LRRC56: variants seen among roughly 807,000 people sequenced by gnomAD.
The protein encoded by LRRC56 is leucine rich repeat containing 56, also known as leucine-rich repeat-containing protein 56.
Under a neutral mutation model 47.8 loss-of-function variants are expected in LRRC56, and 41 were observed. The ratio of observed to expected loss-of-function variants is 0.86; its 90% CI spans 0.67 to 1.11. LRRC56 has a LOEUF of 1.11. Among genes scored for constraint, LRRC56 ranks in the 50% most tolerant of loss-of-function variants. The pLI, the probability that LRRC56 is intolerant of heterozygous loss-of-function variation, is 0.00. For missense variants in LRRC56, 759 were observed against 704.2 expected, an observed-to-expected ratio of 1.08 and a Z score of -0.88; for synonymous variants, 387 against 311.2, an observed-to-expected ratio of 1.24 and a Z score of -2.56.
the LRRC56 span, among the ~76,000 whole-genome samples, chr11:523,879 GA>G: frequency 6.6e-6 from 1 of 152,194 alleles, no homozygotes; most frequent in East Asian, 1.9e-4. Context: ...AGTGAGCCGA[GA>G]TTGTGCCACT....
chr11:544,680 T>C, intron 5 of LRRC56, 40 bp from the exon 6 acceptor site: 1 of 1,604,962 alleles, frequency 6.2e-7, no homozygotes. Context: ...GTGGGCGGGG[T>C]GAGGGGCCGG....
In LRRC56 at chr11:540,829, C is replaced by T; in HGVS notation, c.145C>T (p.Leu49=). ...TCAGAGGGACAGACTTGGAGAGCAG[C>T]TGGTGGAAGAGTACCTGTCCCCTGC... The part of the protein sequence containing the change: ...GSQRDRLGEQ[L]VEEYLSPARL... Residue 49 remains leucine, a synonymous_variant, in exon 4 of 14, where the codon CTG becomes TTG. Transcript: ENST00000270115. The T allele has an allele frequency of 1.3e-6, 2 of 1,586,462 alleles. No individual in the cohort carries two copies. Among genetic ancestry groups the T allele is most frequent in the Non-Finnish European group, 1.7e-6 (2 of 1,167,054 alleles).
Position 554,909 on chromosome 11 carries a change from C to T in LRRC56, c.*633C>T, listed in dbSNP as rs1053439475. 14 of 1,109,820 alleles carry T rather than the reference C, an allele frequency of 1.3e-5. No homozygotes were observed. In the African/African-American group the frequency reaches 1.5e-4, roughly 12 times the overall value. The allele number at this position is 1,109,820 out of a possible 1,614,324, so 68.7% of individuals were successfully genotyped here. ...CACGTTGGTTCAATAAATGATGCAG[C>T]GGACACAGCCCGCCCAGCCCCGGCG... is the stretch of plus-strand genomic sequence containing the variant. On this transcript the variant is annotated 3_prime_UTR_variant, in exon 14 of 14. Transcript: ENST00000270115.
At chr11:517,271 C>G in the LRRC56 span, among the ~76,000 whole-genome samples, 2 of 151,866 alleles carry the variant, frequency 1.3e-5, no homozygotes, top group African/African-American at 4.8e-5. Flanking sequence ...GGCCGCCACC[C>G]CGTCTGGGAG....
At position 540,856 on chromosome 11, in the gene LRRC56, C is replaced by G. The variant is rs755213437; in HGVS notation, c.172C>G (p.Arg58Gly). ...GGTGGAAGAGTACCTGTCCCCTGCCCGGCTGGTGAGTGTGGGCGCTGGGGG... is the reference window on the plus strand; with the variant it reads ...GGTGGAAGAGTACCTGTCCCCTGCCGGGCTGGTGAGTGTGGGCGCTGGGGG... ...QLVEEYLSPA[R>G]LQALARVDDL... Residue 58 changes from arginine (R) to glycine (G), a missense_variant, in exon 4 of 14, where the codon CGG becomes GGG. Arg to Gly is a moderately radical substitution (Grantham distance 125). Coordinates refer to ENST00000270115, the MANE Select transcript of LRRC56 (RefSeq NM_198075.4). 2 of 1,556,306 alleles carry G rather than the reference C, an allele frequency of 1.3e-6. No homozygotes were observed. Among genetic ancestry groups the G allele is most frequent in the Non-Finnish European group, 1.7e-6 (2 of 1,149,892 alleles).
chr11:529,909 G>A, the LRRC56 span: 1 of 152,196 alleles, frequency 6.6e-6, no homozygotes, highest in African/African-American at 2.4e-5. Flanking sequence ...GCCTAGCTGG[G>A]CTGTCCCCGA....
At chr11:550,641 C>T (rs995999647) in intron 8 of LRRC56, among the ~76,000 whole-genome samples, 3 of 152,216 alleles carry the variant, frequency 2.0e-5, no homozygotes, top group Non-Finnish European at 2.9e-5. Flanking sequence ...GCCCCACAGA[C>T]CACCCTATGC....
chr11:508,136 A>T, the LRRC56 span, among the ~76,000 whole-genome samples: 1 of 152,216 alleles, frequency 6.6e-6, no homozygotes, highest in Non-Finnish European at 1.5e-5. Flanking sequence ...GTTCTTTAGC[A>T]ATTTGCTAAA....
At chr11:544,191 G>C (rs979163603) in intron 5 of LRRC56, among the ~76,000 whole-genome samples, 1 of 152,202 alleles carries the variant, frequency 6.6e-6, no homozygotes, top group Non-Finnish European at 1.5e-5. Context: ...CAGTGATCTG[G>C]TCCTGTGTTG....
At position 551,963 on chromosome 11, in the gene LRRC56, G is replaced by A; in HGVS notation, c.1034G>A (p.Cys345Tyr). The change falls in exon 11 of 14, where the codon TGC (cysteine) becomes TAC (tyrosine). Residue 345 changes from cysteine to tyrosine, a missense_variant. Cys to Tyr is a radical substitution (Grantham distance 194, BLOSUM62 -2). Transcript: ENST00000270115. ...TKGLRERRHQ[C>Y]QAREPPEQLP... ...GGCCTGCGGGAGCGTAGGCACCAGTGCCAGGTACAGCCCACAGGGACCAGC... is the reference window on the plus strand; with the variant it reads ...GGCCTGCGGGAGCGTAGGCACCAGTACCAGGTACAGCCCACAGGGACCAGC... 1 of 1,612,664 alleles carries A rather than the reference G, an allele frequency of 6.2e-7. No individual in the cohort carries two copies. Among genetic ancestry groups the A allele is most frequent in the Non-Finnish European group, 8.5e-7 (1 of 1,179,898 alleles).
the LRRC56 span, among the ~76,000 whole-genome samples, chr11:512,458 C>T: frequency 3.5e-3 from 535 of 152,232 alleles, 2 homozygotes; most frequent in Non-Finnish European, 5.9e-3. Flanking sequence ...TGGTCTCAAA[C>T]TCCTGACCTC....
At chr11:510,146 C>A in the LRRC56 span, among the ~76,000 whole-genome samples, 4 of 152,104 alleles carry the variant, frequency 2.6e-5, no homozygotes, top group South Asian at 8.3e-4. Context: ...TTTACATTCC[C>A]CATGAAAGGG....
rs544927744 is a variant in LRRC56 at position 543,834 on chromosome 11, C to T, written c.266-886C>T. 2.6e-5 allele frequency among the ~76,000 whole-genome samples: 4 copies of T among 152,156 alleles called. No homozygotes were observed. In the South Asian group the frequency reaches 6.2e-4, roughly 24 times the overall value. ...CGCAATCTCGGCTCACTGCAAGCTCCACCTCCCGGGTTCACGCCATTCTCC... is the reference window on the plus strand; with the variant it reads ...CGCAATCTCGGCTCACTGCAAGCTCTACCTCCCGGGTTCACGCCATTCTCC... On this transcript the variant is annotated intron_variant, in intron 5 of 13. Transcript: ENST00000270115.
chr11:512,604 G>A, the LRRC56 span, among the ~76,000 whole-genome samples: 3 of 152,272 alleles, frequency 2.0e-5, no homozygotes, highest in East Asian at 1.9e-4. Flanking sequence ...ATGGAACAGC[G>A]TGTACAAAGG....
chr11:551,283 C>A lies in LRRC56; in HGVS notation c.777C>A (p.Gly259=). The change falls in exon 9 of 14, where the codon GGC becomes GGA. Residue 259 remains glycine, a synonymous_variant. Transcript: ENST00000270115. ...CGGTGAAGGAGGCCATCAAGAAGGG[C>A]AACGGCCTTCCCCCGCTGGGTACGG... is the stretch of plus-strand genomic sequence containing the variant. ...WLAVKEAIKK[G]NGLPPLDCPR... is the part of the protein sequence containing the mutation. 4 of 1,530,860 alleles carry A rather than the reference C, an allele frequency of 2.6e-6. No homozygotes were observed. Among genetic ancestry groups the A allele is most frequent in the East Asian group, 2.5e-5 (1 of 40,272 alleles). The allele number at this position is 1,530,860 out of a possible 1,614,324, so 94.8% of individuals were successfully genotyped here. A position where few individuals can be genotyped will look rare whatever the true frequency, so the allele number is the denominator to read the frequency against.
At chr11:537,807 C>T (rs1851595446) in intron 1 of LRRC56, among the ~76,000 whole-genome samples, 1 of 152,196 alleles carries the variant, frequency 6.6e-6, no homozygotes, top group Non-Finnish European at 1.5e-5. Flanking sequence ...AAAGGGCTCC[C>T]TGTCAGGAGA....
In LRRC56 at chr11:549,913, C is replaced by T. The variant is rs753355184; in HGVS notation, c.338C>T (p.Thr113Met). The change falls in exon 7 of 14, where the codon ACG (threonine) becomes ATG (methionine). Residue 113 changes from threonine (T) to methionine (M), a missense_variant. Thr to Met is a moderately conservative substitution (Grantham distance 81, BLOSUM62 -1). Transcript: ENST00000270115. ...CCTGCCTTCTGCAGGGACTTGGGCA[C>T]GTCTCTGGGCCACCTGCAGGTGCTG... The part of the protein sequence containing the change: ...SHLGSLRDLG[T>M]SLGHLQVLWL... 35 of 1,612,840 alleles carry T rather than the reference C, an allele frequency of 2.2e-5. No individual in the cohort carries two copies. The highest frequency in any genetic ancestry group is 1.6e-4 in the Middle Eastern group (1 of 6,082).
At chr11:534,409 GCCCAGC>G (rs544630615), upstream of LRRC56, 114,188 of 731,746 alleles carry the variant, frequency 0.16, 8,006 homozygotes, top group Admixed American at 0.27. Context: ...CCAGGCCCAG[GCCCAGC>G]CCCAGGCCCC....
At chr11:513,834 A>G in the LRRC56 span, among the ~76,000 whole-genome samples, 10 of 151,640 alleles carry the variant, frequency 6.6e-5, no homozygotes, top group East Asian at 5.8e-4. Context: ...AAAAAAAAAA[A>G]AAAGGAAGAA....
Sources: gnomAD v4.1 joint callset for allele counts (sites outside exome capture counted in the v4.1 genomes callset) on GRCh38, gnomAD v4.1.1 for gene constraint, MANE v1.5 for transcripts, NCBI Gene and HGNC (gene_info 2026-07-23, HGNC 2026-07-21) for gene names.